Variants in KHDRBS2 observed in about 807,000 individuals in gnomAD.
KHDRBS2 encodes KH domain-containing, RNA-binding, signal transduction-associated protein 2.
Under a neutral mutation model 44.3 loss-of-function variants are expected in KHDRBS2, and 26 were observed. That is an observed-to-expected ratio of 0.59 (90% CI 0.43 to 0.81). The LOEUF (loss-of-function observed/expected upper bound fraction) is 0.81. KHDRBS2 is among the 40% of genes least tolerant of loss of function. The probability of loss-of-function intolerance (pLI) is 0.00; values close to 1 mark genes in which losing one functional copy is unlikely to be tolerated. For missense variants in KHDRBS2, 476 were observed against 433.1 expected, an observed-to-expected ratio of 1.10 and a Z score of -0.88; for synonymous variants, 194 against 151.1, an observed-to-expected ratio of 1.28 and a Z score of -2.08.
intron 5 of KHDRBS2, among the ~76,000 whole-genome samples, chr6:61,899,416 T>C (rs905840365): frequency 6.6e-6 from 1 of 151,922 alleles, no homozygotes; most frequent in Non-Finnish European, 1.5e-5. Flanking sequence ...AAATTTAATT[T>C]TTAATGCTAA....
intron 2 of KHDRBS2, among the ~76,000 whole-genome samples, chr6:62,156,625 G>T (rs1454947928): frequency 5.3e-5 from 8 of 152,082 alleles, no homozygotes; most frequent in Non-Finnish European, 8.8e-5. Context: ...CTTCTAAAAA[G>T]TTAATTTTGT....
intron 2 of KHDRBS2, among the ~76,000 whole-genome samples, chr6:62,117,542 C>T (rs1228566858): frequency 6.6e-6 from 1 of 151,662 alleles, no homozygotes; most frequent in Non-Finnish European, 1.5e-5. Context: ...ATATTTTTTC[C>T]TATTCTGTGT....
chr6:61,586,853 A>T, the KHDRBS2 span, among the ~76,000 whole-genome samples: 1 of 152,118 alleles, frequency 6.6e-6, no homozygotes, highest in Admixed American at 6.6e-5. Flanking sequence ...TCATCCTTGA[A>T]CTTCTCTGTT....
At chr6:62,036,452 A>G (rs1277012387) in intron 3 of KHDRBS2, among the ~76,000 whole-genome samples, 2 of 151,968 alleles carry the variant, frequency 1.3e-5, no homozygotes, top group Non-Finnish European at 2.9e-5. Context: ...TATGTTCATT[A>G]CCTGTCTTAC....
At chr6:62,151,673 A>C (rs2150105866) in intron 2 of KHDRBS2, among the ~76,000 whole-genome samples, 1 of 152,288 alleles carries the variant, frequency 6.6e-6, no homozygotes, top group Admixed American at 6.5e-5. Context: ...TAGGTGGTGA[A>C]CTGAAGTCCT....
chr6:61,558,461 T>C, the KHDRBS2 span, among the ~76,000 whole-genome samples: 1 of 151,930 alleles, frequency 6.6e-6, no homozygotes, highest in East Asian at 1.9e-4. Flanking sequence ...ACTTGGGAGA[T>C]TGAGATAGGA....
chr6:62,005,258 G>T (rs972835796), intron 3 of KHDRBS2, among the ~76,000 whole-genome samples: 5 of 151,798 alleles, frequency 3.3e-5, no homozygotes, highest in Admixed American at 2.6e-4. Context: ...GGAAAATTCA[G>T]ATACATAACT....
the KHDRBS2 span, among the ~76,000 whole-genome samples, chr6:61,620,286 A>G: frequency 6.6e-6 from 1 of 152,134 alleles, no homozygotes; most frequent in Non-Finnish European, 1.5e-5. Flanking sequence ...CTTTAAGCAA[A>G]TAGACTTAAG....
the KHDRBS2 span, among the ~76,000 whole-genome samples, chr6:61,648,539 G>C: frequency 1.6e-4 from 25 of 152,066 alleles, no homozygotes; most frequent in Non-Finnish European, 3.1e-4. Context: ...TGCTGTGCTA[G>C]ATTCCTCGAA....
the KHDRBS2 span, among the ~76,000 whole-genome samples, chr6:61,637,302 C>T: frequency 5.8e-4 from 88 of 151,664 alleles, no homozygotes; most frequent in African/African-American, 2.0e-3. Flanking sequence ...TTTGTTCTTG[C>T]GATAGTTTGC....
intron 3 of KHDRBS2, among the ~76,000 whole-genome samples, chr6:62,014,312 G>A (rs940784160): frequency 6.6e-6 from 1 of 152,018 alleles, no homozygotes; most frequent in African/African-American, 2.4e-5. Context: ...AAGGATAAAT[G>A]TTCTGGAAGA....
chr6:62,093,387 A>C (rs1307773859), intron 2 of KHDRBS2, among the ~76,000 whole-genome samples: 1 of 151,976 alleles, frequency 6.6e-6, no homozygotes, highest in African/African-American at 2.4e-5. Context: ...ATATTTGTGG[A>C]GTAGAATGTG....
At chr6:61,993,026 G>T (rs578009404) in intron 3 of KHDRBS2, among the ~76,000 whole-genome samples, 1 of 152,242 alleles carries the variant, frequency 6.6e-6, no homozygotes, top group East Asian at 1.9e-4. Context: ...CCAGGAAACT[G>T]ATATGATATT....
chr6:61,941,681 G>A (rs183634956), intron 4 of KHDRBS2, among the ~76,000 whole-genome samples: 126 of 151,996 alleles, frequency 8.3e-4, no homozygotes, highest in African/African-American at 3.0e-3. Flanking sequence ...GAATGATACA[G>A]AGACTACATT....
chr6:62,047,156 A>T (rs1159313017), intron 3 of KHDRBS2, among the ~76,000 whole-genome samples: 1 of 151,968 alleles, frequency 6.6e-6, no homozygotes, highest in Non-Finnish European at 1.5e-5. Context: ...TGGTCAAATG[A>T]TACTACGAAA....
At chr6:62,254,012 T>C (rs1836973627) in intron 1 of KHDRBS2, among the ~76,000 whole-genome samples, 1 of 152,016 alleles carries the variant, frequency 6.6e-6, no homozygotes, top group Admixed American at 6.6e-5. Context: ...AAGACTGAAA[T>C]GACTGATCCA....
the KHDRBS2 span, among the ~76,000 whole-genome samples, chr6:61,639,884 G>T: frequency 6.6e-6 from 1 of 152,060 alleles, no homozygotes; most frequent in East Asian, 1.9e-4. Flanking sequence ...TAAATGTCCA[G>T]AAAAAAGAAG....
chr6:62,206,792 T>C (rs1311776988), intron 1 of KHDRBS2, among the ~76,000 whole-genome samples: 1 of 152,106 alleles, frequency 6.6e-6, no homozygotes, highest in Non-Finnish European at 1.5e-5. Flanking sequence ...GTGGACAGTA[T>C]ATGAGGACAA....
intron 2 of KHDRBS2, among the ~76,000 whole-genome samples, chr6:62,158,974 C>A (rs1180996695): frequency 6.6e-6 from 1 of 151,980 alleles, no homozygotes; most frequent in Admixed American, 6.6e-5. Flanking sequence ...CTTATTTAGA[C>A]CAGTGATAGC....
Sources: gnomAD v4.1 joint callset for allele counts (sites outside exome capture counted in the v4.1 genomes callset) on GRCh38, gnomAD v4.1.1 for gene constraint, MANE v1.5 for transcripts, NCBI Gene and HGNC (gene_info 2026-07-23, HGNC 2026-07-21) for gene names.